ZNF385D: variants seen among roughly 807,000 people sequenced by gnomAD.
ZNF385D encodes the protein zinc finger protein 659.
In ZNF385D, 15 loss-of-function variants were observed where a neutral mutation model predicts 35.8. That is an observed-to-expected ratio of 0.42 (90% confidence interval 0.28 to 0.64). The LOEUF (loss-of-function observed/expected upper bound fraction) is 0.64. ZNF385D is among the 30% of genes least tolerant of loss of function. The probability of loss-of-function intolerance (pLI) is 0.23; values close to 1 mark genes in which losing one functional copy is unlikely to be tolerated. For synonymous variants in ZNF385D, 212 were observed against 186.8 expected (o/e 1.13, Z -1.10); for missense variants, 474 against 494.6 (o/e 0.96, Z 0.39).
chr3:21,600,996 G>A (rs886265794), intron 2 of ZNF385D, among the ~76,000 whole-genome samples: 1 of 151,924 alleles, frequency 6.6e-6, no homozygotes, highest in Non-Finnish European at 1.5e-5. Flanking sequence ...AAATTTGCAT[G>A]GAAAGTTGTG....
intron 3 of ZNF385D, among the ~76,000 whole-genome samples, chr3:21,828,378 T>C (rs1307216126): frequency 1.3e-5 from 2 of 152,208 alleles, no homozygotes; most frequent in South Asian, 2.1e-4. Flanking sequence ...TTCTGAATGA[T>C]ATAATAAATA....
At chr3:22,153,243 C>T (rs977956694) in intron 3 of ZNF385D, among the ~76,000 whole-genome samples, 2 of 152,026 alleles carry the variant, frequency 1.3e-5, no homozygotes, top group African/African-American at 4.8e-5. Context: ...CCACTTCTGC[C>T]CTCTTAGGTA....
At chr3:22,083,305 G>A (rs912404857) in intron 3 of ZNF385D, among the ~76,000 whole-genome samples, 15 of 152,144 alleles carry the variant, frequency 9.9e-5, no homozygotes, top group Non-Finnish European at 1.6e-4. Context: ...GAGGATGTTC[G>A]AACCCATCGC....
At chr3:21,743,991 C>T (rs1219707051) in intron 1 of ZNF385D, among the ~76,000 whole-genome samples, 2 of 152,244 alleles carry the variant, frequency 1.3e-5, no homozygotes, top group East Asian at 3.9e-4. Context: ...AGAATGTTTT[C>T]AAGTATTACT....
chr3:21,512,505 C>A (rs1707289497), intron 3 of ZNF385D, among the ~76,000 whole-genome samples: 1 of 152,190 alleles, frequency 6.6e-6, no homozygotes, highest in Non-Finnish European at 1.5e-5. Context: ...AAATAGTCCA[C>A]ATCTTCATTT....
At chr3:22,023,029 T>C (rs1482686539) in intron 3 of ZNF385D, among the ~76,000 whole-genome samples, 1 of 152,202 alleles carries the variant, frequency 6.6e-6, no homozygotes, top group Non-Finnish European at 1.5e-5. Context: ...TCTCTGTTCC[T>C]TAAAAATAAT....
intron 3 of ZNF385D, among the ~76,000 whole-genome samples, chr3:21,889,131 A>T (rs1328845187): frequency 2.0e-5 from 3 of 152,208 alleles, no homozygotes; most frequent in African/African-American, 7.2e-5. Flanking sequence ...CTGACACTGA[A>T]ATAGACAACA....
At chr3:21,654,493 G>A (rs1031535764) in intron 2 of ZNF385D, among the ~76,000 whole-genome samples, 3 of 151,842 alleles carry the variant, frequency 2.0e-5, no homozygotes, top group East Asian at 1.9e-4. Context: ...TCAACCATAC[G>A]TTATATGAAT....
At chr3:22,106,095 A>T (rs1180176160) in intron 3 of ZNF385D, among the ~76,000 whole-genome samples, 1 of 152,154 alleles carries the variant, frequency 6.6e-6, no homozygotes, top group African/African-American at 2.4e-5. Context: ...GACTTCAGCA[A>T]GAGAAATTCT....
chr3:22,156,964 C>T (rs753136884), intron 3 of ZNF385D, among the ~76,000 whole-genome samples: 3 of 152,096 alleles, frequency 2.0e-5, no homozygotes, highest in Non-Finnish European at 2.9e-5. Flanking sequence ...CCACAGAGTT[C>T]GCCTATTTTA....
chr3:21,469,490 G>C (rs975684346), intron 4 of ZNF385D, among the ~76,000 whole-genome samples: 1 of 152,138 alleles, frequency 6.6e-6, no homozygotes, highest in Admixed American at 6.6e-5. Flanking sequence ...AATGGAATAT[G>C]AGAAGTTTAG....
At chr3:21,644,981 A>T (rs1430017224) in intron 2 of ZNF385D, among the ~76,000 whole-genome samples, 1 of 152,212 alleles carries the variant, frequency 6.6e-6, no homozygotes, top group African/African-American at 2.4e-5. Context: ...CACGAAATAA[A>T]AGTACTATCT....
At chr3:22,264,225 T>C (rs1488080349) in intron 2 of ZNF385D, among the ~76,000 whole-genome samples, 4 of 151,942 alleles carry the variant, frequency 2.6e-5, no homozygotes, top group Non-Finnish European at 5.9e-5. Flanking sequence ...AGGCTGGTAA[T>C]AGAGTGAAAG....
In ZNF385D at chr3:21,960,214, A is replaced by ACACACACACACACACACC. The variant is rs1270627846; in HGVS notation, c.325+208602_325+208603insGGTGTGTGTGTGTGTGTG. 4.1e-3 allele frequency among the ~76,000 whole-genome samples: 615 copies of ACACACACACACACACACC among 151,424 alleles called. 2 individuals are homozygous for ACACACACACACACACACC. The highest frequency in any genetic ancestry group is 0.014 in the African/African-American group (582 of 41,280). ...CAACTAAACAGCAATACACACACAC[A>ACACACACACACACACACC]CCCTCCCCAACACAGACACTCACAG... On this transcript the variant is annotated intron_variant, in intron 3 of 5. Transcript: ENST00000494108.
chr3:22,168,839 A>G lies in ZNF385D; in HGVS notation c.303T>C (p.Asn101=), dbSNP rs975902004. Residue 101 remains asparagine, a synonymous_variant, in exon 3 of 6, where the codon AAT becomes AAC. Coordinates refer to the ZNF385D transcript ENST00000494108. ...TACCATTGTCATTTTTCAGCGTCCC[A>G]TTGCTGAGTTGTTTTAATCTCTTTT... The G allele has an allele frequency of 9.1e-6, 9 of 985,732 alleles. No individual in the cohort carries two copies. In the South Asian group the frequency reaches 1.4e-4, roughly 15 times the overall value. 61.1% of individuals were successfully genotyped at this position (985,732 alleles called of 1,614,324 possible). A position where few individuals can be genotyped will look rare whatever the true frequency, so the allele number is the denominator to read the frequency against.
At chr3:22,336,909 C>CAAAAAA (rs59822476) in intron 2 of ZNF385D, among the ~76,000 whole-genome samples, 4,163 of 47,790 alleles carry the variant, frequency 0.087, 1,343 homozygotes, top group Non-Finnish European at 0.11. Flanking sequence ...AGTGATTTTT[C>CAAAAAA]AAAAAAAAAA....
At chr3:22,089,091 C>T (rs1310396684) in intron 3 of ZNF385D, among the ~76,000 whole-genome samples, 6 of 152,158 alleles carry the variant, frequency 3.9e-5, no homozygotes, top group South Asian at 2.1e-4. Flanking sequence ...GATACATTTT[C>T]TTCACACATC....
rs1177169798 is a variant in ZNF385D at position 22,372,483 on chromosome 3, G to A, written c.73C>T (p.Leu25Phe). Residue 25 changes from leucine (L) to phenylalanine (F), a missense_variant, in exon 2 of 6, where the codon CTC becomes TTC. Physicochemically the swap from Leu to Phe is conservative, Grantham distance 22. Transcript: ENST00000494108. ...GGCTGAGCTTTCGGCGCCCCCAGGA[G>A]CTTTTCTCTCCTTCCTCCCACCGAG... 5.1e-6 allele frequency: 5 copies of A among 985,580 alleles called. No individual in the cohort carries two copies. In the African/African-American group the frequency reaches 7.0e-5, roughly 14 times the overall value. 61.1% of individuals were successfully genotyped at this position (985,580 alleles called of 1,614,324 possible). A position where few individuals can be genotyped will look rare whatever the true frequency, so the allele number is the denominator to read the frequency against.
chr3:21,515,077 C>A (rs901333696), intron 3 of ZNF385D, among the ~76,000 whole-genome samples: 23 of 152,192 alleles, frequency 1.5e-4, no homozygotes, highest in African/African-American at 5.3e-4. Context: ...ATTTTATCTT[C>A]AATATTTCAG....
Sources: allele counts gnomAD v4.1 joint callset (sites outside exome capture counted in the v4.1 genomes callset), GRCh38; gene constraint gnomAD v4.1.1; transcripts MANE v1.5; gene names NCBI Gene and HGNC (gene_info 2026-07-23, HGNC 2026-07-21).